Variants in CLPTM1L observed in about 807,000 individuals in gnomAD.
CLPTM1L encodes the protein lipid scramblase CLPTM1L.
In CLPTM1L, 38 loss-of-function variants were observed where a neutral mutation model predicts 70.9. The ratio of observed to expected loss-of-function variants is 0.54; its 90% CI spans 0.41 to 0.70. The LOEUF (loss-of-function observed/expected upper bound fraction) is 0.70. CLPTM1L is among the 30% of genes least tolerant of loss of function. The pLI, the probability that CLPTM1L is intolerant of heterozygous loss-of-function variation, is 0.00. For missense variants in CLPTM1L, 652 were observed against 705.9 expected (o/e 0.92, Z 0.87); for synonymous variants, 339 against 299.9 (o/e 1.13, Z -1.35).
intron 5 of CLPTM1L, among the ~76,000 whole-genome samples, chr5:1,336,897 G>T (rs1452566594): frequency 1.3e-5 from 2 of 152,152 alleles, no homozygotes; most frequent in Admixed American, 1.3e-4. Flanking sequence ...GCAGGGCCTG[G>T]GCAGAGATCA....
chr5:1,324,986 G>A, intron 10 of CLPTM1L, 173 bp from the exon 11 acceptor site: 1 of 628,558 alleles, frequency 1.6e-6, no homozygotes, highest in Non-Finnish European at 2.8e-6. Context: ...GGATCCGCAT[G>A]GATCCTTCCC....
At chr5:1,330,200 G>A in intron 9 of CLPTM1L, 80 bp downstream of exon 9, 1 of 1,174,772 alleles carries the variant, frequency 8.5e-7, no homozygotes, top group Non-Finnish European at 1.3e-6. Flanking sequence ...GAAGGTCTCA[G>A]GTCCCGGGGC....
At position 1,342,018 on chromosome 5, in the gene CLPTM1L, G is replaced by GTC. The variant is rs1753968755; in HGVS notation, c.264-159_264-158insGA. On this transcript the variant is annotated intron_variant, in intron 2 of 16. Coordinates refer to ENST00000320895, the MANE Select transcript of CLPTM1L (RefSeq NM_030782.5). This position sits in a 1 kb window ranked among gnomAD's most constrained non-coding sequence, Gnocchi z 4.3. ...CCAGGGCTTTACGAGTCGTGTGTGT[G>GTC]TGTGTGTGTGTGTGTGTGTGTGCAC... Among the ~76,000 whole-genome samples the GTC allele has an allele frequency of 7.9e-6, 1 of 126,714 alleles. No homozygotes were observed. The highest frequency in any genetic ancestry group is 1.7e-5 in the Non-Finnish European group (1 of 59,918). The allele number at this position is 126,714 out of a possible 152,430, so 83.1% of individuals were successfully genotyped here.
In CLPTM1L at chr5:1,320,539, T is replaced by A. The variant is rs1057134871; in HGVS notation, c.1532+77A>T. The A allele has an allele frequency of 5.3e-6, 4 of 751,580 alleles. No homozygotes were observed. In the African/African-American group the frequency reaches 7.3e-5, roughly 14 times the overall value. 46.6% of individuals were successfully genotyped at this position (751,580 alleles called of 1,614,324 possible). A position where few individuals can be genotyped will look rare whatever the true frequency, so the allele number is the denominator to read the frequency against. On this transcript the variant is annotated intron_variant, in intron 16 of 16. Coordinates refer to ENST00000320895, the MANE Select transcript of CLPTM1L (RefSeq NM_030782.5). ...ATGGATAAACAGGCGCAGGGTGCGG[T>A]GAAAGCCGTCATTCCGTTCAGCAGC...
At chr5:1,334,019 A>C (rs922282135) in intron 7 of CLPTM1L, among the ~76,000 whole-genome samples, 2 of 152,090 alleles carry the variant, frequency 1.3e-5, no homozygotes, top group Non-Finnish European at 2.9e-5. Flanking sequence ...ATCCTTTTCA[A>C]AACCGCCCCC....
At position 1,330,267 on chromosome 5, in the gene CLPTM1L, G is replaced by C. The variant is rs1441988481; in HGVS notation, c.1080+13C>G. 1 of 1,609,832 alleles carries C rather than the reference G, an allele frequency of 6.2e-7. No individual in the cohort carries two copies. Among genetic ancestry groups the C allele is most frequent in the East Asian group, 2.2e-5 (1 of 44,872 alleles). ...TGGACCTCAGACAGTTCAGGTCACT[G>C]CCCGGAACTCACCTCAATGGCGGCT... is the stretch of plus-strand genomic sequence containing the variant. On this transcript the variant is annotated intron_variant, in intron 9 of 16. Coordinates refer to ENST00000320895, the MANE Select transcript of CLPTM1L (RefSeq NM_030782.5).
At chr5:1,329,906 C>T (rs1280185762) in intron 9 of CLPTM1L, among the ~76,000 whole-genome samples, 1 of 138,606 alleles carries the variant, frequency 7.2e-6, no homozygotes, top group African/African-American at 2.8e-5. Context: ...GTGGACAGAG[C>T]CTCAGGACTC....
In CLPTM1L at chr5:1,342,009, CGTGTGTGTGTGT is replaced by C. The variant is rs71598674; in HGVS notation, c.264-161_264-150del. The stretch of plus-strand genomic sequence containing the variant: ...CCCACCTGCCCAGGGCTTTACGAGT[CGTGTGTGTGTGT>C]GTGTGTGTGTGTGTGTGTGCACGCG... On this transcript the variant is annotated intron_variant, in intron 2 of 16. Transcript: ENST00000320895. This position sits in a 1 kb window ranked among gnomAD's most constrained non-coding sequence, Gnocchi z 4.3. 63 of 503,218 alleles carry C rather than the reference CGTGTGTGTGTGT, an allele frequency of 1.3e-4. 1 individual carries two copies. The highest frequency in any genetic ancestry group is 7.7e-4 in the East Asian group (24 of 31,184). 31.2% of individuals were successfully genotyped at this position (503,218 alleles called of 1,614,324 possible).
Position 1,318,314 on chromosome 5 carries a change from A to C in CLPTM1L, c.*55T>G. Reference sequence around the variant, plus strand: ...CTAGGAATTCCTCCAAATGCTTCCAAAAATACTCATTGACAATTCAAGTTG... The same window carrying C: ...CTAGGAATTCCTCCAAATGCTTCCACAAATACTCATTGACAATTCAAGTTG... On this transcript the variant is annotated 3_prime_UTR_variant, in exon 17 of 17. Transcript: ENST00000320895. The surrounding 1 kb of genome is among the most constrained non-coding windows in gnomAD (Gnocchi z 8.9). 7.1e-7 allele frequency: 1 copy of C among 1,406,728 alleles called. No homozygotes were observed. Among genetic ancestry groups the C allele is most frequent in the South Asian group, 1.2e-5 (1 of 86,138 alleles). The allele number at this position is 1,406,728 out of a possible 1,614,324, so 87.1% of individuals were successfully genotyped here.
intron 5 of CLPTM1L, among the ~76,000 whole-genome samples, chr5:1,336,722 A>G (rs959715590): frequency 4.7e-4 from 71 of 152,244 alleles, no homozygotes; most frequent in Admixed American, 1.5e-3. Context: ...CTGCAGCGCC[A>G]GACCTGCTCG....
At chr5:1,323,012 A>G in intron 12 of CLPTM1L, 101 bp from the exon 13 acceptor site, 1 of 1,192,986 alleles carries the variant, frequency 8.4e-7, no homozygotes. Flanking sequence ...CTCTGAAAAT[A>G]CCCAGATGCT....
At chr5:1,320,536 C>A in intron 16 of CLPTM1L, 80 bp downstream of exon 16, 1 of 703,596 alleles carries the variant, frequency 1.4e-6, no homozygotes, top group African/African-American at 1.9e-5. Context: ...GCGCAGGGTG[C>A]GGTGAAAGCC....
chr5:1,323,502 A>T (rs919988765), intron 12 of CLPTM1L, among the ~76,000 whole-genome samples: 13 of 151,196 alleles, frequency 8.6e-5, no homozygotes, highest in African/African-American at 3.2e-4. Context: ...CCAGCACCCC[A>T]CACGGGCAGC....
At chr5:1,325,900 G>A (rs1337083036) in intron 9 of CLPTM1L, 84 bp from the exon 10 acceptor site, 3 of 1,179,696 alleles carry the variant, frequency 2.5e-6, no homozygotes, top group Admixed American at 3.5e-5. Context: ...TAACGGGTAG[G>A]ACCTGCTGCC....
At position 1,344,905 on chromosome 5, in the gene CLPTM1L, C is replaced by T; in HGVS notation, c.-64G>A. 1 of 921,678 alleles carries T rather than the reference C, an allele frequency of 1.1e-6. No homozygotes were observed. The highest frequency in any genetic ancestry group is 1.3e-6 in the Non-Finnish European group (1 of 770,454). The allele number at this position is 921,678 out of a possible 1,614,324, so 57.1% of individuals were successfully genotyped here. Reference sequence around the variant, plus strand: ...TCAGCCGCGAGCCCCGCCCGCCCGGCGCCCAGCCCGCCGCTCCGGGCTCCG... The same window carrying T: ...TCAGCCGCGAGCCCCGCCCGCCCGGTGCCCAGCCCGCCGCTCCGGGCTCCG... On this transcript the variant is annotated 5_prime_UTR_variant, in exon 1 of 17. Transcript: ENST00000320895.
rs1038245741 is a variant in CLPTM1L, at chr5:1,343,114, C to T, written c.263+1237G>A. The stretch of plus-strand genomic sequence containing the variant: ...GCTAAGGCAGGAGAATCCCTTGAAC[C>T]CGGGAACCGGAGGTTGCAGTGAGCA... On this transcript the variant is annotated intron_variant, in intron 2 of 16. Transcript: ENST00000320895. Among the ~76,000 whole-genome samples, 64 of 152,166 alleles carry T rather than the reference C, an allele frequency of 4.2e-4. 1 individual carries two copies. Among genetic ancestry groups the T allele is most frequent in the Non-Finnish European group, 5.9e-4 (40 of 68,030 alleles).
At chr5:1,338,222 C>T (rs950667266) in intron 4 of CLPTM1L, 6 of 578,824 alleles carry the variant, frequency 1.0e-5, no homozygotes, top group East Asian at 5.8e-5. Flanking sequence ...GAAAATGCCT[C>T]CACGGCCACT....
intron 11 of CLPTM1L, 123 bp from the exon 12 acceptor site, chr5:1,323,992 C>T: frequency 6.4e-6 from 5 of 780,454 alleles, no homozygotes; most frequent in Non-Finnish European, 1.1e-5. Flanking sequence ...GGTGGCAGGG[C>T]TGCTCTGCAG....
intron 3 of CLPTM1L, among the ~76,000 whole-genome samples, chr5:1,340,670 G>A (rs1419093752): frequency 6.6e-5 from 10 of 152,194 alleles, no homozygotes; most frequent in Admixed American, 5.9e-4. Context: ...ACTGGGGAGA[G>A]GCAGGAGCAG....
Sources: allele counts gnomAD v4.1 joint callset (sites outside exome capture counted in the v4.1 genomes callset), GRCh38; gene constraint gnomAD v4.1.1; non-coding constraint Gnocchi (gnomAD v3.1); transcripts MANE v1.5; gene names NCBI Gene and HGNC (gene_info 2026-07-23, HGNC 2026-07-21).